TMEM132B: variants seen among roughly 807,000 people sequenced by gnomAD.
TMEM132B encodes transmembrane protein 132B.
In TMEM132B, 18 loss-of-function variants were observed where a neutral mutation model predicts 90.8. The observed-to-expected ratio is 0.20, with a 90% confidence interval of 0.14 to 0.29. The LOEUF is 0.29. TMEM132B is among the 10% of genes least tolerant of loss of function. TMEM132B has a pLI of 1.00. For missense variants in TMEM132B, 1,096 were observed against 1,326.8 expected (o/e 0.83, Z 2.70); for synonymous variants, 504 against 523.3 (o/e 0.96, Z 0.50).
chr12:125,193,893 A>C (rs1249171293), intron 1 of TMEM132B, among the ~76,000 whole-genome samples: 2 of 152,246 alleles, frequency 1.3e-5, no homozygotes, highest in Admixed American at 6.5e-5. Context: ...AGAGAAATGA[A>C]GCAGAGGAGC....
chr12:125,274,572 A>AT (rs1874936994), intron 1 of TMEM132B, among the ~76,000 whole-genome samples: 1 of 152,240 alleles, frequency 6.6e-6, no homozygotes, highest in South Asian at 2.1e-4. Context: ...CTATTCAGAC[A>AT]TTGAGTGCTG....
At chr12:125,566,835 C>CTTCTTT (rs1463169929) in intron 4 of TMEM132B, among the ~76,000 whole-genome samples, 25 of 78,730 alleles carry the variant, frequency 3.2e-4, no homozygotes, top group African/African-American at 4.3e-4. Context: ...TCTTCTTCTT[C>CTTCTTT]TTTTTTTTTT....
intron 2 of TMEM132B, among the ~76,000 whole-genome samples, chr12:125,382,547 G>T (rs1343200497): frequency 6.6e-6 from 1 of 152,142 alleles, no homozygotes; most frequent in African/African-American, 2.4e-5. Flanking sequence ...CCATTTCTCT[G>T]AGCCTCAGTC....
intron 1 of TMEM132B, among the ~76,000 whole-genome samples, chr12:125,275,319 G>A (rs1593064743): frequency 6.6e-6 from 1 of 152,248 alleles, no homozygotes; most frequent in African/African-American, 2.4e-5. Flanking sequence ...GGTCATCTTA[G>A]GTTTTCTTCT....
chr12:125,571,130 T>C (rs1365989673), intron 4 of TMEM132B, among the ~76,000 whole-genome samples: 2 of 152,228 alleles, frequency 1.3e-5, no homozygotes, highest in South Asian at 2.1e-4. Flanking sequence ...GTTAGGTTTG[T>C]TTTCCAAGTG....
At chr12:125,600,996 A>C (rs1885556625) in intron 5 of TMEM132B, among the ~76,000 whole-genome samples, 1 of 152,220 alleles carries the variant, frequency 6.6e-6, no homozygotes, top group Admixed American at 6.5e-5. Context: ...AAAGAGATTT[A>C]GACTCCCACA....
chr12:125,532,923 T>C (rs1883683991), intron 4 of TMEM132B, among the ~76,000 whole-genome samples: 1 of 152,190 alleles, frequency 6.6e-6, no homozygotes, highest in South Asian at 2.1e-4. Flanking sequence ...ATGCAGGCTG[T>C]CTCTGAGCAC....
chr12:125,416,941 G>C (rs1045937587), intron 3 of TMEM132B, among the ~76,000 whole-genome samples: 1 of 152,186 alleles, frequency 6.6e-6, no homozygotes, highest in Non-Finnish European at 1.5e-5. Flanking sequence ...ACATTGCTTA[G>C]GTGCTTTCAG....
chr12:125,556,479 G>A (rs375917283), intron 4 of TMEM132B, among the ~76,000 whole-genome samples: 2 of 152,146 alleles, frequency 1.3e-5, no homozygotes, highest in East Asian at 1.9e-4. Context: ...AGAAAAACCC[G>A]GGGGATGTGG....
chr12:125,615,134 G>C (rs1885955749), intron 5 of TMEM132B, among the ~76,000 whole-genome samples: 1 of 151,956 alleles, frequency 6.6e-6, no homozygotes, highest in East Asian at 1.9e-4. Flanking sequence ...AATTTTTACT[G>C]TGATGTGTCT....
intron 5 of TMEM132B, among the ~76,000 whole-genome samples, chr12:125,610,830 A>G (rs1285953142): frequency 6.6e-6 from 1 of 152,166 alleles, no homozygotes; most frequent in Non-Finnish European, 1.5e-5. Context: ...TTCATAGGAT[A>G]TACTGATCTG....
At chr12:125,585,527 T>C (rs976910199) in intron 5 of TMEM132B, 1 of 152,208 alleles carries the variant, frequency 6.6e-6, no homozygotes, top group African/African-American at 2.4e-5. Flanking sequence ...GCTTACGTCA[T>C]AATGGGCTCA....
intron 5 of TMEM132B, among the ~76,000 whole-genome samples, chr12:125,634,427 G>A (rs976239980): frequency 6.6e-6 from 1 of 152,198 alleles, no homozygotes; most frequent in South Asian, 2.1e-4. Flanking sequence ...TCCATGTGTG[G>A]TCAAGCTGGT....
At chr12:125,603,536 T>A (rs979723689) in intron 5 of TMEM132B, among the ~76,000 whole-genome samples, 1 of 151,968 alleles carries the variant, frequency 6.6e-6, no homozygotes, top group African/African-American at 2.4e-5. Flanking sequence ...AGGACATAGG[T>A]ATGGGCAAAG....
chr12:125,337,411 A>G (rs927495253), intron 1 of TMEM132B, among the ~76,000 whole-genome samples: 1 of 152,060 alleles, frequency 6.6e-6, no homozygotes, highest in African/African-American at 2.4e-5. Context: ...CTTCCAGGTG[A>G]TGGCTTTGTC....
chr12:125,490,755 C>T lies in TMEM132B; in HGVS notation c.1107-28684C>T, dbSNP rs141686522. The stretch of plus-strand genomic sequence containing the variant: ...TGCTGGGATTACAGGTGTGAGCCAC[C>T]GCGCCCGGCCAATTTCTTTCCTTTT... On this transcript the variant is annotated intron_variant, in intron 3 of 8. Coordinates refer to ENST00000682704, the MANE Select transcript of TMEM132B (RefSeq NM_001366854.1). This position sits in a 1 kb window ranked among gnomAD's most constrained non-coding sequence, Gnocchi z 4.2. 3.9e-5 allele frequency among the ~76,000 whole-genome samples: 6 copies of T among 152,268 alleles called. No individual in the cohort carries two copies. Among genetic ancestry groups the T allele is most frequent in the African/African-American group, 9.6e-5 (4 of 41,540 alleles).
At chr12:125,399,682 A>G (rs1056545789) in intron 2 of TMEM132B, among the ~76,000 whole-genome samples, 4 of 152,318 alleles carry the variant, frequency 2.6e-5, no homozygotes, top group Non-Finnish European at 5.9e-5. Flanking sequence ...ATTTGTTACA[A>G]CAGTTCTGGG....
chr12:125,514,042 G>A (rs1481916199), intron 3 of TMEM132B, among the ~76,000 whole-genome samples: 2 of 152,110 alleles, frequency 1.3e-5, no homozygotes, highest in Non-Finnish European at 2.9e-5. Flanking sequence ...TGTTATAATA[G>A]GTTTTGGCTT....
chr12:125,619,368 A>G (rs1159637355), intron 5 of TMEM132B, among the ~76,000 whole-genome samples: 1 of 134,884 alleles, frequency 7.4e-6, no homozygotes, highest in Non-Finnish European at 1.7e-5. Context: ...TTATTTATTT[A>G]TTTATTTATT....
Sources: gnomAD v4.1 joint callset for allele counts (sites outside exome capture counted in the v4.1 genomes callset) on GRCh38, gnomAD v4.1.1 for gene constraint, Gnocchi (gnomAD v3.1) non-coding constraint, MANE v1.5 for transcripts, NCBI Gene and HGNC (gene_info 2026-07-23, HGNC 2026-07-21) for gene names.